CDH9: variants seen among roughly 807,000 people sequenced by gnomAD.
The protein encoded by CDH9 is cadherin-9.
A neutral mutation model predicts 70.9 loss-of-function variants in CDH9; 28 were observed. The ratio of observed to expected loss-of-function variants is 0.40; its 90% CI spans 0.29 to 0.54. The LOEUF is 0.54. CDH9 is among the 20% of genes least tolerant of loss of function. The pLI is 0.59. For synonymous variants in CDH9, 409 were observed against 343.1 expected, an observed-to-expected ratio of 1.19 and a Z score of -2.12; for missense variants, 874 against 984.4, an observed-to-expected ratio of 0.89 and a Z score of 1.50.
rs148067961 is a variant in CDH9 at position 26,920,350 on chromosome 5, G to C, written c.229-4426C>G. Among the ~76,000 whole-genome samples, 455 of 151,990 alleles carry C rather than the reference G, an allele frequency of 3.0e-3. 1 individual carries two copies. The highest frequency in any genetic ancestry group is 9.8e-3 in the African/African-American group (406 of 41,444). On this transcript the variant is annotated intron_variant, in intron 2 of 11. Coordinates refer to ENST00000231021, the MANE Select transcript of CDH9 (RefSeq NM_016279.4). Reference sequence around the variant, plus strand: ...TGGATGCCAGCTTAGCTTTAGTATAGTAGAGAACCCACACAGATTTATAAG... The same window carrying C: ...TGGATGCCAGCTTAGCTTTAGTATACTAGAGAACCCACACAGATTTATAAG...
intron 1 of CDH9, among the ~76,000 whole-genome samples, chr5:26,998,264 G>A (rs1487810597): frequency 2.6e-5 from 4 of 152,044 alleles, no homozygotes; most frequent in Admixed American, 6.6e-5. Context: ...CCATTCTGTA[G>A]GTTGCCTATT....
In CDH9 at chr5:26,902,539, T is replaced by G. The variant is rs1740873999; in HGVS notation, c.1190A>C (p.Lys397Thr). 3 of 1,598,440 alleles carry G rather than the reference T, an allele frequency of 1.9e-6. No individual in the cohort carries two copies. In the African/African-American group the frequency reaches 4.0e-5, roughly 21 times the overall value. ...SYLIEVDEDVKEGSIIGQVTA... is the reference protein window; with the variant it reads ...SYLIEVDEDVTEGSIIGQVTA... ...AACCTGTCCAATGATACTGCCCTCC[T>G]TTACATCTTCATCTACTTCTATCAA... Residue 397 changes from lysine (K) to threonine (T), a missense_variant, in exon 7 of 12, where the codon AAG (lysine) becomes ACG (threonine). Physicochemically the swap from Lys to Thr is moderately conservative, Grantham distance 78. Transcript: ENST00000231021.
At chr5:26,941,154 C>A (rs1473471337) in intron 2 of CDH9, among the ~76,000 whole-genome samples, 2 of 152,202 alleles carry the variant, frequency 1.3e-5, no homozygotes, top group Non-Finnish European at 2.9e-5. Flanking sequence ...AATGCCACAT[C>A]ATTGGATTGT....
intron 2 of CDH9, among the ~76,000 whole-genome samples, chr5:26,946,705 C>A (rs924599732): frequency 4.6e-5 from 7 of 152,060 alleles, no homozygotes; most frequent in Non-Finnish European, 7.4e-5. Flanking sequence ...CCTCACTTTT[C>A]AAAGAGAAAA....
intron 1 of CDH9, 104 bp downstream of exon 1, chr5:27,038,359 A>C (rs1308511124): frequency 6.6e-6 from 1 of 151,924 alleles, no homozygotes; most frequent in Non-Finnish European, 1.5e-5. Context: ...AGAGAGAGAG[A>C]GCAAAATATA....
intron 1 of CDH9, among the ~76,000 whole-genome samples, chr5:26,993,016 A>G (rs1742604243): frequency 6.6e-6 from 1 of 151,788 alleles, no homozygotes; most frequent in Non-Finnish European, 1.5e-5. Context: ...GAATCACTTG[A>G]ACCCGGGAGG....
chr5:26,942,293 T>A (rs146778498), intron 2 of CDH9, among the ~76,000 whole-genome samples: 1 of 152,258 alleles, frequency 6.6e-6, no homozygotes, highest in East Asian at 1.9e-4. Flanking sequence ...TTCAATTACT[T>A]CCCACTGGGT....
intron 2 of CDH9, among the ~76,000 whole-genome samples, chr5:26,932,510 G>GT (rs1232265580): frequency 2.0e-5 from 3 of 151,994 alleles, no homozygotes; most frequent in African/African-American, 7.2e-5. Flanking sequence ...GTTAAGAATT[G>GT]TTGTTTACCC....
chr5:26,969,517 G>C (rs1397650734), intron 2 of CDH9, among the ~76,000 whole-genome samples: 1 of 152,010 alleles, frequency 6.6e-6, no homozygotes, highest in African/African-American at 2.4e-5. Flanking sequence ...GTGATAAATT[G>C]AATCATGGAA....
Position 26,986,291 on chromosome 5 carries a change from C to G in CDH9, c.228+1815G>C, listed in dbSNP as rs887461228. Among the ~76,000 whole-genome samples the G allele has an allele frequency of 2.0e-5, 3 of 151,896 alleles. No individual in the cohort carries two copies. In the South Asian group the frequency reaches 6.2e-4, roughly 32 times the overall value. ...ATAAATTGGCAAAAAATTCGCACAT[C>G]CTAACTTGTCCACGCATAAATCCAA... On this transcript the variant is annotated intron_variant, in intron 2 of 11. Transcript: ENST00000231021.
At chr5:26,922,293 C>T (rs1246293159) in intron 2 of CDH9, among the ~76,000 whole-genome samples, 1 of 151,954 alleles carries the variant, frequency 6.6e-6, no homozygotes, top group Non-Finnish European at 1.5e-5. Flanking sequence ...ACTAATCAAA[C>T]TTCCAAGGTC....
rs959920053 is a variant in CDH9, at chr5:26,882,634, G to A, written c.1883-1011C>T. Among the ~76,000 whole-genome samples the A allele has an allele frequency of 3.3e-5, 5 of 151,978 alleles. No individual in the cohort carries two copies. In the South Asian group the frequency reaches 8.3e-4, roughly 25 times the overall value. ...AGCCCATAGCTTTACATATAAGAAA[G>A]GTGAGAATAAAACCAAGAAAATATC... is the stretch of plus-strand genomic sequence containing the variant. On this transcript the variant is annotated intron_variant, in intron 11 of 11. Coordinates refer to ENST00000231021, the MANE Select transcript of CDH9 (RefSeq NM_016279.4).
At chr5:26,909,569 G>A (rs1225261504) in intron 3 of CDH9, among the ~76,000 whole-genome samples, 5 of 147,134 alleles carry the variant, frequency 3.4e-5, no homozygotes, top group Admixed American at 6.9e-5. Context: ...AAGTTTTAGG[G>A]TACATGTGCA....
chr5:26,918,742 C>T (rs1055152898), intron 2 of CDH9, among the ~76,000 whole-genome samples: 2 of 152,180 alleles, frequency 1.3e-5, no homozygotes, highest in Non-Finnish European at 2.9e-5. Flanking sequence ...CAATCTTCTC[C>T]TGCCTTTGGA....
intron 2 of CDH9, among the ~76,000 whole-genome samples, chr5:26,920,561 A>G (rs1222405003): frequency 6.6e-6 from 1 of 152,034 alleles, no homozygotes; most frequent in African/African-American, 2.4e-5. Context: ...GCCTTGGGAG[A>G]CACCCAGTGC....
At chr5:27,007,503 A>G (rs1742886041) in intron 1 of CDH9, among the ~76,000 whole-genome samples, 1 of 152,124 alleles carries the variant, frequency 6.6e-6, no homozygotes, top group South Asian at 2.1e-4. Context: ...ATTATTCAAG[A>G]GTTTATTATG....
intron 2 of CDH9, among the ~76,000 whole-genome samples, chr5:26,933,305 C>A (rs2112026367): frequency 6.6e-6 from 1 of 151,640 alleles, no homozygotes; most frequent in African/African-American, 2.4e-5. Flanking sequence ...ACACTTTGAT[C>A]TTGGACTTCC....
intron 7 of CDH9, among the ~76,000 whole-genome samples, chr5:26,898,906 T>A (rs900211495): frequency 6.6e-6 from 1 of 152,060 alleles, no homozygotes; most frequent in Admixed American, 6.6e-5. Flanking sequence ...GGGAGAAAAT[T>A]TTTGCAATCT....
chr5:26,954,384 C>CTTTTTTTTTTTTT lies in CDH9; in HGVS notation c.228+33721_228+33722insAAAAAAAAAAAAA, dbSNP rs141394776. Among the ~76,000 whole-genome samples the CTTTTTTTTTTTTT allele has an allele frequency of 1.3e-3, 23 of 18,360 alleles. 1 individual carries two copies. The highest frequency in any genetic ancestry group is 3.0e-3 in the African/African-American group (23 of 7,742). The allele number at this position is 18,360 out of a possible 152,430, so 12.0% of individuals were successfully genotyped here. ...TTAAAGCTTTTCGCTATTATACAGC[C>CTTTTTTTTTTTTT]TTTCTTTTTTTTTTTTTTGAGACAT... On this transcript the variant is annotated intron_variant, in intron 2 of 11. Coordinates refer to ENST00000231021, the MANE Select transcript of CDH9 (RefSeq NM_016279.4).
Sources: gnomAD v4.1 joint callset for allele counts (sites outside exome capture counted in the v4.1 genomes callset) on GRCh38, gnomAD v4.1.1 for gene constraint, MANE v1.5 for transcripts, NCBI Gene and HGNC (gene_info 2026-07-23, HGNC 2026-07-21) for gene names.